Variants in ROBO1 observed in about 807,000 individuals in gnomAD.
ROBO1 encodes roundabout homolog 1.
Under a neutral mutation model 195.9 loss-of-function variants are expected in ROBO1, and 149 were observed. The observed-to-expected ratio is 0.76, with a 90% confidence interval of 0.67 to 0.87. The LOEUF (loss-of-function observed/expected upper bound fraction) is 0.87. Ranked by LOEUF, ROBO1 falls within the 40% of genes least tolerant of loss-of-function variation. The probability of loss-of-function intolerance (pLI) is 0.00; values close to 1 mark genes in which losing one functional copy is unlikely to be tolerated. For missense variants in ROBO1, 1,933 were observed against 2,068.3 expected (o/e 0.93, Z 1.27); for synonymous variants, 816 against 733.2 (o/e 1.11, Z -1.82).
intron 2 of ROBO1, among the ~76,000 whole-genome samples, chr3:79,255,800 C>T (rs2082822253): frequency 6.6e-6 from 1 of 152,092 alleles, no homozygotes; most frequent in South Asian, 2.1e-4. Flanking sequence ...TCTCCCCCTC[C>T]ACCACACTGA....
At chr3:78,634,078 T>C (rs1450771493) in intron 23 of ROBO1, 36 bp from the exon 24 acceptor site, 1 of 1,406,844 alleles carries the variant, frequency 7.1e-7, no homozygotes, top group South Asian at 1.2e-5. Context: ...TAAACATTTA[T>C]TTTCTCTTCA....
At chr3:79,492,070 G>A (rs1444962891) in intron 2 of ROBO1, among the ~76,000 whole-genome samples, 1 of 152,098 alleles carries the variant, frequency 6.6e-6, no homozygotes, top group African/African-American at 2.4e-5. Flanking sequence ...TACCCTACAT[G>A]TCTAAAGGAC....
intron 2 of ROBO1, among the ~76,000 whole-genome samples, chr3:79,565,836 A>C (rs1943072081): frequency 6.6e-6 from 1 of 152,072 alleles, no homozygotes; most frequent in Admixed American, 6.6e-5. Context: ...AATGGAGAAA[A>C]CTGAAAACAT....
chr3:79,765,615 T>A (rs1704943190), intron 1 of ROBO1, among the ~76,000 whole-genome samples: 1 of 152,218 alleles, frequency 6.6e-6, no homozygotes, highest in Non-Finnish European at 1.5e-5. Context: ...AACCCAGTTA[T>A]GAGGCTTCCA....
intron 3 of ROBO1, chr3:79,018,488 T>A (rs752951445): frequency 6.2e-7 from 1 of 1,613,572 alleles, no homozygotes; most frequent in South Asian, 1.1e-5. Flanking sequence ...CTGTATACAG[T>A]CTCATGCCAA....
intron 2 of ROBO1, among the ~76,000 whole-genome samples, chr3:79,512,320 C>G (rs1325235566): frequency 6.6e-6 from 1 of 152,036 alleles, no homozygotes; most frequent in Non-Finnish European, 1.5e-5. Context: ...ATTTAAAAAT[C>G]AATTATAAGT....
chr3:79,739,295 T>C (rs1703522716), intron 1 of ROBO1, among the ~76,000 whole-genome samples: 1 of 152,130 alleles, frequency 6.6e-6, no homozygotes, highest in Non-Finnish European at 1.5e-5. Flanking sequence ...CAAAGCTAGA[T>C]GGGCTGACCA....
In ROBO1 at chr3:78,893,616, A is replaced by G. The variant is rs549825095; in HGVS notation, c.499+44985T>C. 2.0e-5 allele frequency among the ~76,000 whole-genome samples: 3 copies of G among 152,344 alleles called. No homozygotes were observed. The South Asian group carries it at 6.2e-4, about 32-fold the overall frequency. On this transcript the variant is annotated intron_variant, in intron 4 of 30. Transcript: ENST00000464233. The stretch of plus-strand genomic sequence containing the variant: ...TATTAGCTAAATAATTTTCCTAAGC[A>G]GATATAAAAATTAATCACTATAGAT...
At chr3:79,634,141 A>G (rs1945428180) in intron 1 of ROBO1, among the ~76,000 whole-genome samples, 1 of 152,230 alleles carries the variant, frequency 6.6e-6, no homozygotes, top group Non-Finnish European at 1.5e-5. Context: ...TTATTTCAAC[A>G]GGTTGCCTCT....
At chr3:78,906,121 CG>C (rs2037894723) in intron 4 of ROBO1, among the ~76,000 whole-genome samples, 1 of 151,900 alleles carries the variant, frequency 6.6e-6, no homozygotes, top group African/African-American at 2.4e-5. Flanking sequence ...CAGAATCCTA[CG>C]ATTTTTCCTG....
chr3:78,835,975 G>A (rs1206942372), intron 4 of ROBO1, among the ~76,000 whole-genome samples: 1 of 152,150 alleles, frequency 6.6e-6, no homozygotes, highest in Non-Finnish European at 1.5e-5. Flanking sequence ...TACACCAAAT[G>A]TATAGTACAC....
At chr3:79,425,529 G>GAA (rs2038410644) in intron 2 of ROBO1, among the ~76,000 whole-genome samples, 1 of 152,084 alleles carries the variant, frequency 6.6e-6, no homozygotes, top group East Asian at 1.9e-4. Flanking sequence ...ACAAGTGGCT[G>GAA]CCCAGAGGTT....
intron 2 of ROBO1, among the ~76,000 whole-genome samples, chr3:79,352,137 A>G (rs1041005870): frequency 5.9e-5 from 9 of 152,216 alleles, no homozygotes; most frequent in Non-Finnish European, 4.4e-5. Context: ...AAATTGAAGT[A>G]TCCCATCAAA....
intron 2 of ROBO1, among the ~76,000 whole-genome samples, chr3:79,574,497 C>T (rs1428882405): frequency 6.6e-6 from 1 of 151,770 alleles, no homozygotes; most frequent in Non-Finnish European, 1.5e-5. Context: ...AATTAATAGC[C>T]TAACATAACT....
At chr3:79,211,885 A>G (rs2081971549) in intron 2 of ROBO1, among the ~76,000 whole-genome samples, 1 of 152,172 alleles carries the variant, frequency 6.6e-6, no homozygotes, top group African/African-American at 2.4e-5. Context: ...CAGGTGTCTC[A>G]CAGCCTTCAG....
intron 2 of ROBO1, among the ~76,000 whole-genome samples, chr3:79,581,284 C>T (rs1576064495): frequency 6.6e-6 from 1 of 152,000 alleles, no homozygotes; most frequent in African/African-American, 2.4e-5. Context: ...TACTTATACC[C>T]GTCCATATGA....
intron 1 of ROBO1, among the ~76,000 whole-genome samples, chr3:79,760,001 T>C (rs991706501): frequency 4.0e-5 from 6 of 150,980 alleles, no homozygotes; most frequent in African/African-American, 1.5e-4. Context: ...CTTTGGGAGG[T>C]TGAGGTGGGT....
intron 2 of ROBO1, among the ~76,000 whole-genome samples, chr3:79,422,403 C>A (rs1225633543): frequency 6.6e-6 from 1 of 151,912 alleles, no homozygotes; most frequent in Non-Finnish European, 1.5e-5. Context: ...ATCCTGTGCA[C>A]CTTCTGCGAA....
chr3:79,083,671 T>C (rs1170957541), intron 3 of ROBO1, among the ~76,000 whole-genome samples: 2 of 152,226 alleles, frequency 1.3e-5, no homozygotes, highest in African/African-American at 4.8e-5. Context: ...GCCCTTGAAT[T>C]TCTTCTACGT....
Sources: gnomAD v4.1 joint callset for allele counts (sites outside exome capture counted in the v4.1 genomes callset) on GRCh38, gnomAD v4.1.1 for gene constraint, MANE v1.5 for transcripts, NCBI Gene and HGNC (gene_info 2026-07-23, HGNC 2026-07-21) for gene names.